The following CDH13 variants were observed in gnomAD, a reference collection of about 807,000 sequenced individuals.
CDH13 encodes the protein cadherin-13.
Under a neutral mutation model 63.8 loss-of-function variants are expected in CDH13, and 24 were observed. The ratio of observed to expected loss-of-function variants is 0.38; its 90% CI spans 0.27 to 0.53. The LOEUF is 0.53. Among genes scored for constraint, CDH13 ranks in the 20% least tolerant of loss-of-function variants. The probability of loss-of-function intolerance (pLI) is 0.85; values close to 1 mark genes in which losing one functional copy is unlikely to be tolerated. For synonymous variants in CDH13, 503 were observed against 355.3 expected, an observed-to-expected ratio of 1.42 and a Z score of -4.67; for missense variants, 1,049 against 903.1, an observed-to-expected ratio of 1.16 and a Z score of -2.07.
chr16:83,525,584 C>G (rs1401857745), intron 7 of CDH13, among the ~76,000 whole-genome samples: 1 of 152,208 alleles, frequency 6.6e-6, no homozygotes, highest in Non-Finnish European at 1.5e-5. Flanking sequence ...TCGTGTGAAC[C>G]TCCATTCTGA....
chr16:82,783,488 T>TG (rs1331074432), intron 1 of CDH13, among the ~76,000 whole-genome samples: 1 of 152,112 alleles, frequency 6.6e-6, no homozygotes, highest in African/African-American at 2.4e-5. Context: ...CACAGAGAGG[T>TG]GAGCCCCAGG....
intron 7 of CDH13, among the ~76,000 whole-genome samples, chr16:83,550,698 C>T (rs1026643340): frequency 1.3e-5 from 2 of 152,160 alleles, no homozygotes; most frequent in Non-Finnish European, 1.5e-5. Context: ...GGCCAGAGAT[C>T]ACATCTACTT....
intron 7 of CDH13, among the ~76,000 whole-genome samples, chr16:83,489,721 A>G (rs1598140358): frequency 6.6e-6 from 1 of 152,226 alleles, no homozygotes; most frequent in East Asian, 1.9e-4. Context: ...TTTTATTATT[A>G]ATATTATTTC....
At chr16:83,617,251 C>G (rs1909360344) in intron 8 of CDH13, among the ~76,000 whole-genome samples, 1 of 152,182 alleles carries the variant, frequency 6.6e-6, no homozygotes, top group African/African-American at 2.4e-5. Flanking sequence ...ATACTTATTA[C>G]AGAACTGTGT....
At chr16:83,724,414 C>T (rs1910122641) in intron 10 of CDH13, among the ~76,000 whole-genome samples, 3 of 128,414 alleles carry the variant, frequency 2.3e-5, no homozygotes, top group South Asian at 3.0e-4. Flanking sequence ...GTGATGAATG[C>T]ATAGGTGAGT....
intron 5 of CDH13, among the ~76,000 whole-genome samples, chr16:83,292,947 A>T (rs1025329939): frequency 6.6e-6 from 1 of 152,200 alleles, no homozygotes; most frequent in African/African-American, 2.4e-5. Flanking sequence ...CAAATACTCG[A>T]TTCCATGGTT....
intron 3 of CDH13, among the ~76,000 whole-genome samples, chr16:83,085,540 C>G (rs1172278791): frequency 6.6e-6 from 1 of 152,182 alleles, no homozygotes; most frequent in Non-Finnish European, 1.5e-5. Context: ...AAAGTCTTAT[C>G]AAAAACCACT....
At chr16:83,000,575 T>TC (rs902481123) in intron 2 of CDH13, among the ~76,000 whole-genome samples, 16 of 78,186 alleles carry the variant, frequency 2.0e-4, no homozygotes, top group Non-Finnish European at 3.6e-4. Context: ...TTCTTTTCTC[T>TC]TTTTTTTTTT....
intron 2 of CDH13, among the ~76,000 whole-genome samples, chr16:82,912,341 T>C (rs1337825341): frequency 6.6e-6 from 1 of 152,208 alleles, no homozygotes; most frequent in Non-Finnish European, 1.5e-5. Context: ...CCTTTCCTGC[T>C]CCATTCTAAA....
intron 4 of CDH13, among the ~76,000 whole-genome samples, chr16:83,145,113 T>C (rs963202567): frequency 3.3e-5 from 5 of 152,192 alleles, no homozygotes; most frequent in African/African-American, 1.2e-4. Flanking sequence ...TCCTCCAATT[T>C]ATTTGTCTAC....
chr16:82,743,904 G>A (rs72805906), intron 1 of CDH13, among the ~76,000 whole-genome samples: 1 of 152,252 alleles, frequency 6.6e-6, no homozygotes, highest in Non-Finnish European at 1.5e-5. Flanking sequence ...AGGAAATTTT[G>A]AAATTGTTAT....
intron 6 of CDH13, among the ~76,000 whole-genome samples, chr16:83,396,879 A>G (rs1471621830): frequency 2.0e-5 from 3 of 152,148 alleles, no homozygotes; most frequent in Non-Finnish European, 2.9e-5. Flanking sequence ...CACATTTTTA[A>G]TTCTCACAAT....
intron 8 of CDH13, among the ~76,000 whole-genome samples, chr16:83,633,523 G>C (rs1241147092): frequency 6.6e-6 from 1 of 152,172 alleles, no homozygotes; most frequent in Admixed American, 6.5e-5. Flanking sequence ...AAAGGAGTTT[G>C]TTTTCATGTT....
intron 6 of CDH13, among the ~76,000 whole-genome samples, chr16:83,451,692 C>G (rs774735942): frequency 6.6e-6 from 1 of 152,060 alleles, no homozygotes; most frequent in Non-Finnish European, 1.5e-5. Context: ...TAATTTTTTA[C>G]TTTTTTGTAG....
At chr16:83,291,898 C>G (rs2089475105) in intron 5 of CDH13, among the ~76,000 whole-genome samples, 1 of 152,092 alleles carries the variant, frequency 6.6e-6, no homozygotes, top group African/African-American at 2.4e-5. Context: ...GTCATCTTGA[C>G]CAGGTCAGAG....
chr16:83,024,612 C>G (rs951227104), intron 2 of CDH13, among the ~76,000 whole-genome samples: 5 of 152,102 alleles, frequency 3.3e-5, no homozygotes, highest in Non-Finnish European at 7.4e-5. Context: ...CCACAGAACA[C>G]CAAAAGTTCC....
At chr16:82,951,538 A>T (rs965491815) in intron 2 of CDH13, among the ~76,000 whole-genome samples, 1 of 152,178 alleles carries the variant, frequency 6.6e-6, no homozygotes, top group African/African-American at 2.4e-5. Context: ...TTAGGTTCTT[A>T]TGCGAGACCA....
intron 7 of CDH13, among the ~76,000 whole-genome samples, chr16:83,566,495 G>C (rs894463929): frequency 6.9e-6 from 1 of 144,882 alleles, no homozygotes; most frequent in Non-Finnish European, 1.5e-5. Flanking sequence ...GGCTCTCAAA[G>C]GCAGAGCCCC....
chr16:83,359,677 C>T (rs1013581093), intron 6 of CDH13, among the ~76,000 whole-genome samples: 2 of 152,124 alleles, frequency 1.3e-5, no homozygotes, highest in Non-Finnish European at 2.9e-5. Flanking sequence ...TTTATTTGTG[C>T]ACAGAATTAG....
Sources: gnomAD v4.1 joint callset for allele counts (sites outside exome capture counted in the v4.1 genomes callset) on GRCh38, gnomAD v4.1.1 for gene constraint, MANE v1.5 for transcripts, NCBI Gene and HGNC (gene_info 2026-07-23, HGNC 2026-07-21) for gene names.